The following PODNL1 variants were observed in gnomAD, a reference collection of about 807,000 sequenced individuals.
The protein encoded by PODNL1 is podocan-like protein 1.
A neutral mutation model predicts 45.1 loss-of-function variants in PODNL1; 50 were observed. The ratio of observed to expected loss-of-function variants is 1.11; its 90% confidence interval spans 0.88 to 1.40. The LOEUF (loss-of-function observed/expected upper bound fraction) is 1.40. Among genes scored for constraint, PODNL1 ranks in the 40% most tolerant of loss-of-function variants. The probability of loss-of-function intolerance (pLI) is 0.00; values close to 1 mark genes in which losing one functional copy is unlikely to be tolerated. For synonymous variants in PODNL1, 406 were observed against 372.5 expected (o/e 1.09, Z -1.04); for missense variants, 788 against 793.3 (o/e 0.99, Z 0.08).
intron 5 of PODNL1, among the ~76,000 whole-genome samples, chr19:13,934,627 AGAC>A (rs1158914040): frequency 1.3e-5 from 2 of 151,404 alleles, no homozygotes; most frequent in East Asian, 3.9e-4. Flanking sequence ...TTGTATGAAT[AGAC>A]GTGTGTGCAT....
At position 13,943,785 on chromosome 19, in the gene PODNL1, G is replaced by A. The variant is rs1204912091; in HGVS notation, c.19-5779C>T. Among the ~76,000 whole-genome samples the A allele has an allele frequency of 2.0e-5, 3 of 152,184 alleles. No individual in the cohort carries two copies. In the East Asian group the frequency reaches 5.8e-4, roughly 29 times the overall value. On this transcript the variant is annotated intron_variant, in intron 1 of 7. Transcript: ENST00000538371. ...CCTCTCCTCTCCTGTCTTTTATAAA[G>A]ACACTGGTCTTTGGATTCAGGGTCC...
rs940023207 is a variant in PODNL1, at chr19:13,952,321, A to G, written c.18+798T>C. 2.6e-5 allele frequency among the ~76,000 whole-genome samples: 4 copies of G among 152,198 alleles called. No homozygotes were observed. The South Asian group carries it at 8.3e-4, about 31-fold the overall frequency. ...TACGTCCTTAAGGCGGGGCGGGAAT[A>G]CGGCAACGGGCCGCGGGGGCTGTTA... On this transcript the variant is annotated intron_variant, in intron 1 of 7. Transcript: ENST00000538371.
intron 1 of PODNL1, chr19:13,953,080 C>T (rs767234352): frequency 6.4e-7 from 1 of 1,550,584 alleles, no homozygotes; most frequent in Non-Finnish European, 8.7e-7. Context: ...CCTCTCCCTG[C>T]CCAAGCCCCG....
At chr19:13,948,709 T>C (rs1464816735) in intron 1 of PODNL1, among the ~76,000 whole-genome samples, 1 of 134,006 alleles carries the variant, frequency 7.5e-6, no homozygotes, top group African/African-American at 2.8e-5. Flanking sequence ...GGTGGGAGGA[T>C]CACGAGGTCA....
At position 13,937,994 on chromosome 19, in the gene PODNL1, G is replaced by A. The variant is rs189993800; in HGVS notation, c.16C>T (p.Leu6=). 3.3e-4 allele frequency: 509 copies of A among 1,534,492 alleles called. 2 individuals carry two copies. The African/African-American group carries it at 5.8e-3, about 18-fold the overall frequency. ...GGCCCCGGCAACAGCAGGAGCAGCA[G>A]CAGGCTCGGCCACTGCGGGGGAGGG... MWPSL[L]LLLLLPGPPP... is the part of the protein sequence containing the mutation. The change falls in exon 2 of 10, where the codon CTG becomes TTG. Residue 6 remains leucine (L), a synonymous_variant. Coordinates refer to ENST00000588872, the MANE Select transcript of PODNL1 (RefSeq NM_001370095.3).
intron 1 of PODNL1, 50 bp downstream of exon 1, chr19:13,938,125 GGGGT>G: frequency 6.5e-7 from 1 of 1,546,900 alleles, no homozygotes; most frequent in Non-Finnish European, 8.7e-7. Flanking sequence ...TGGCAGAGCA[GGGGT>G]GGGGGGGCAG....
chr19:13,934,035 G>T, intron 6 of PODNL1, 42 bp from the exon 7 acceptor site: 1 of 1,537,730 alleles, frequency 6.5e-7, no homozygotes, highest in South Asian at 1.2e-5. Flanking sequence ...TCTGGGATGA[G>T]GGCAGCGGGA....
upstream of PODNL1, among the ~76,000 whole-genome samples, chr19:13,941,137 A>AGG (rs1222506017): frequency 6.6e-6 from 1 of 151,802 alleles, no homozygotes; most frequent in African/African-American, 2.4e-5. Context: ...AGGCCAAGGC[A>AGG]GGTGGATCAC....
chr19:13,933,004 C>G lies in PODNL1; in HGVS notation c.1219G>C (p.Asp407His). ...CGGGTTAGCTGATTCCCTGCCAGGTCGAGGCTGCGCAGGGCACGCAACCGG... is the reference window on the plus strand; with the variant it reads ...CGGGTTAGCTGATTCCCTGCCAGGTGGAGGCTGCGCAGGGCACGCAACCGG... ...FRRLRALRSL[D>H]LAGNQLTRLP... The change falls in exon 8 of 10, where the codon GAC becomes CAC. Residue 407 changes from aspartate to histidine, a missense_variant. By Grantham distance (81) the Asp-to-His change is moderately conservative (BLOSUM62 -1). Transcript: ENST00000588872. This position sits in a 1 kb window ranked among gnomAD's most constrained non-coding sequence, Gnocchi z 5.2. 1 of 1,543,342 alleles carries G rather than the reference C, an allele frequency of 6.5e-7. No homozygotes were observed. Among genetic ancestry groups the G allele is most frequent in the Non-Finnish European group, 8.7e-7 (1 of 1,150,176 alleles).
In PODNL1 at chr19:13,932,156, G is replaced by T. The variant is rs573870969; in HGVS notation, c.1426-44C>A. On this transcript the variant is annotated intron_variant, in intron 8 of 9. Coordinates refer to ENST00000588872, the MANE Select transcript of PODNL1 (RefSeq NM_001370095.3). Reference sequence around the variant, plus strand: ...ATGGCATCGTGGCAGCCCCAGGCCTGGGCCACTCAGCTCAGCCAGCCCCCA... The same window carrying T: ...ATGGCATCGTGGCAGCCCCAGGCCTTGGCCACTCAGCTCAGCCAGCCCCCA... 114 of 1,235,744 alleles carry T rather than the reference G, an allele frequency of 9.2e-5. 1 individual carries two copies. The African/African-American group carries it at 1.6e-3, about 18-fold the overall frequency. 76.5% of individuals were successfully genotyped at this position (1,235,744 alleles called of 1,614,324 possible). A position where few individuals can be genotyped will look rare whatever the true frequency, so the allele number is the denominator to read the frequency against.
Position 13,933,576 on chromosome 19 carries a change from G to A in PODNL1, c.768-121C>T. On this transcript the variant is annotated intron_variant, in intron 7 of 9. Transcript: ENST00000588872. This position sits in a 1 kb window ranked among gnomAD's most constrained non-coding sequence, Gnocchi z 5.2. ...TTAAGCTGGAGATTTTGACTTGGGA[G>A]TGATGCGTGGAGAGAGCTGGGTGGG... The A allele has an allele frequency of 1.8e-6, 2 of 1,132,046 alleles. No homozygotes were observed. The highest frequency in any genetic ancestry group is 2.4e-6 in the Non-Finnish European group (2 of 817,742). 70.1% of individuals were successfully genotyped at this position (1,132,046 alleles called of 1,614,324 possible).
rs1037531374 is a variant in PODNL1 at position 13,952,725 on chromosome 19, C to A, written c.18+394G>T. On this transcript the variant is annotated intron_variant, in intron 1 of 7. Coordinates refer to the PODNL1 transcript ENST00000538371. ...GGAGGCGGAGGGAGGAGGGCGTTCG[C>A]GGGGTGAGGGGTTGGGGGCGGGGCC... 4.5e-5 allele frequency: 5 copies of A among 112,118 alleles called. No individual in the cohort carries two copies. In the African/African-American group the frequency reaches 4.9e-4, roughly 11 times the overall value. 6.9% of individuals were successfully genotyped at this position (112,118 alleles called of 1,614,324 possible).
chr19:13,939,356 C>T (rs1207647989), upstream of PODNL1, among the ~76,000 whole-genome samples: 5 of 152,236 alleles, frequency 3.3e-5, no homozygotes, highest in Admixed American at 1.3e-4. Context: ...GGATTACAGG[C>T]GCCTCCCACC....
chr19:13,943,926 T>C (rs1386633188), intron 1 of PODNL1, among the ~76,000 whole-genome samples: 1 of 152,056 alleles, frequency 6.6e-6, no homozygotes, highest in Non-Finnish European at 1.5e-5. Flanking sequence ...CATCTACCTA[T>C]CTATTTGAGG....
chr19:13,931,727 C>T lies in PODNL1; in HGVS notation c.*10G>A. 2.4e-6 allele frequency: 3 copies of T among 1,231,790 alleles called. No individual in the cohort carries two copies. The highest frequency in any genetic ancestry group is 3.0e-6 in the Non-Finnish European group (3 of 987,928). 76.3% of individuals were successfully genotyped at this position (1,231,790 alleles called of 1,614,324 possible). On this transcript the variant is annotated 3_prime_UTR_variant, in exon 10 of 10. Coordinates refer to ENST00000588872, the MANE Select transcript of PODNL1 (RefSeq NM_001370095.3). ...AGGAGTCTGAGCTGCTCTGCTGGGC[C>T]TCTCTAGGATCAGGGGCCCCCTGCC...
chr19:13,934,449 G>T, intron 5 of PODNL1, 39 bp from the exon 6 acceptor site: 3 of 1,462,330 alleles, frequency 2.1e-6, no homozygotes, highest in East Asian at 5.1e-5. Flanking sequence ...CCTGCCCCTC[G>T]CCTCCTACCA....
chr19:13,947,064 A>AC (rs1972843760), intron 1 of PODNL1, among the ~76,000 whole-genome samples: 1 of 150,498 alleles, frequency 6.6e-6, no homozygotes, highest in African/African-American at 2.4e-5. Context: ...CAAAAAAAAA[A>AC]CACCATAAAA....
At position 13,952,532 on chromosome 19, in the gene PODNL1, C is replaced by G. The variant is rs1429261832; in HGVS notation, c.18+587G>C. On this transcript the variant is annotated intron_variant, in intron 1 of 7. Coordinates refer to the PODNL1 transcript ENST00000538371. ...GTGAAAATGGCGCCCAGCTCGAAAT[C>G]GGAGCGGAACAGCGGGGCTGGGAGC... 4 of 1,249,762 alleles carry G rather than the reference C, an allele frequency of 3.2e-6. No individual in the cohort carries two copies. The highest frequency in any genetic ancestry group is 4.0e-6 in the Non-Finnish European group (4 of 990,362). 77.4% of individuals were successfully genotyped at this position (1,249,762 alleles called of 1,614,324 possible).
At chr19:13,953,213 CTCCA>C in exon 1 of PODNL1, 1 of 1,365,512 alleles carries the variant, frequency 7.3e-7, no homozygotes. Context: ...GCTCTGTCTC[CTCCA>C]TCAGACTGGA....
Sources: allele counts gnomAD v4.1 joint callset (sites outside exome capture counted in the v4.1 genomes callset), GRCh38; gene constraint gnomAD v4.1.1; non-coding constraint Gnocchi (gnomAD v3.1); transcripts MANE v1.5; gene names NCBI Gene and HGNC (gene_info 2026-07-23, HGNC 2026-07-21).